Variants in EVC2 observed in about 807,000 individuals in gnomAD.
The protein encoded by EVC2 is limbin.
Under a neutral mutation model 149.3 loss-of-function variants are expected in EVC2, and 148 were observed. That is an observed-to-expected ratio of 0.99 (90% CI 0.87 to 1.14). The LOEUF (loss-of-function observed/expected upper bound fraction) is 1.14, where lower values mean the gene tolerates loss of function less well. EVC2 is among the 50% of genes most tolerant of loss of function. EVC2 has a pLI of 0.00. For synonymous variants in EVC2, 776 were observed against 649.9 expected (o/e 1.19, Z -2.95); for missense variants, 1,854 against 1,627.3 (o/e 1.14, Z -2.40).
At chr4:5,694,961 C>T (rs750897472) in intron 2 of EVC2, among the ~76,000 whole-genome samples, 5 of 152,178 alleles carry the variant, frequency 3.3e-5, no homozygotes, top group Non-Finnish European at 5.9e-5. Context: ...CACCCGCCTA[C>T]TGCAGAGTAA....
rs1016771399 is a variant in EVC2, at chr4:5,618,814, T to C, written c.2502-132A>G. 3 of 832,742 alleles carry C rather than the reference T, an allele frequency of 3.6e-6. No homozygotes were observed. In the African/African-American group the frequency reaches 5.1e-5, roughly 14 times the overall value. The allele number at this position is 832,742 out of a possible 1,614,324, so 51.6% of individuals were successfully genotyped here. On this transcript the variant is annotated intron_variant, in intron 14 of 21. Transcript: ENST00000344408. The surrounding 1 kb of genome is among the most constrained non-coding windows in gnomAD (Gnocchi z 4.4). ...AGAAAAAGCACTGGCTCCTTAATCA[T>C]GCATTCCTGCCACAGGCATTCCTTG... is the stretch of plus-strand genomic sequence containing the variant.
Position 5,677,056 on chromosome 4 carries a change from C to T in EVC2, c.870+4204G>A, listed in dbSNP as rs1424340070. ...TGTCAGCATCACAGAACACTTGGCA[C>T]AGCTGTGCTGTTCTCATGTGTAAAT... On this transcript the variant is annotated intron_variant, in intron 7 of 21. Transcript: ENST00000344408. This position sits in a 1 kb window ranked among gnomAD's most constrained non-coding sequence, Gnocchi z 4.3. 1.3e-5 allele frequency among the ~76,000 whole-genome samples: 2 copies of T among 152,190 alleles called. No individual in the cohort carries two copies. The highest frequency in any genetic ancestry group is 4.8e-5 in the African/African-American group (2 of 41,452).
chr4:5,529,815 GT>G, the EVC2 span, among the ~76,000 whole-genome samples: 17,584 of 132,022 alleles, frequency 0.13, 951 homozygotes, highest in East Asian at 0.26. The surrounding 1 kb of genome is among the most constrained non-coding windows in gnomAD (Gnocchi z 4.5). Context: ...AGTTATTTAG[GT>G]TTTTTTTTTT....
chr4:5,579,605 G>T (rs1486863434), intron 17 of EVC2, among the ~76,000 whole-genome samples: 1 of 152,196 alleles, frequency 6.6e-6, no homozygotes, highest in Non-Finnish European at 1.5e-5. Flanking sequence ...ACTTTGGGAG[G>T]CCAAGGTGGG....
chr4:5,542,191 C>G (rs1002625351), downstream of EVC2, among the ~76,000 whole-genome samples: 1 of 152,194 alleles, frequency 6.6e-6, no homozygotes, highest in Non-Finnish European at 1.5e-5. Flanking sequence ...GTCACTCACA[C>G]CTGTAACCCC....
chr4:5,676,002 A>G (rs1414653432), intron 7 of EVC2, among the ~76,000 whole-genome samples: 1 of 152,238 alleles, frequency 6.6e-6, no homozygotes, highest in African/African-American at 2.4e-5. Flanking sequence ...TTGGGGTACC[A>G]TAACAATTGG....
intron 16 of EVC2, among the ~76,000 whole-genome samples, chr4:5,586,999 T>C (rs936864187): frequency 7.2e-5 from 11 of 152,228 alleles, no homozygotes; most frequent in African/African-American, 2.7e-4. Flanking sequence ...TTACTCCCAT[T>C]TCTTGCTTCC....
chr4:5,681,217 C>T lies in EVC2; in HGVS notation c.870+43G>A, dbSNP rs199619144. On this transcript the variant is annotated intron_variant, in intron 7 of 21. Transcript: ENST00000344408. ...AAGGACAGGCAGGACCCACACAGCA[C>T]AGGTGTGTCCTGAGGGTGCTCAGGG... is the stretch of plus-strand genomic sequence containing the variant. 404 of 1,607,802 alleles carry T rather than the reference C, an allele frequency of 2.5e-4. 1 individual carries two copies. The African/African-American group carries it at 5.0e-3, about 20-fold the overall frequency.
intron 19 of EVC2, among the ~76,000 whole-genome samples, chr4:5,571,586 A>G (rs1722649226): frequency 6.6e-6 from 1 of 152,148 alleles, no homozygotes; most frequent in Non-Finnish European, 1.5e-5. Flanking sequence ...TCCTCTCCAC[A>G]GGATGAAGGA....
intron 4 of EVC2, among the ~76,000 whole-genome samples, chr4:5,690,028 A>C (rs1157360089): frequency 1.3e-5 from 2 of 152,206 alleles, no homozygotes; most frequent in South Asian, 2.1e-4. Context: ...CGAGCTCTGG[A>C]ATATAAGAAG....
Position 5,604,485 on chromosome 4 carries a change from C to T in EVC2, c.2829+10937G>A, listed in dbSNP as rs141334190. Among the ~76,000 whole-genome samples the T allele has an allele frequency of 2.1e-3, 319 of 152,076 alleles. 1 individual carries two copies. The highest frequency in any genetic ancestry group is 0.015 in the East Asian group (79 of 5,156). ...AACATCACATGTTCATACTCATATA[C>T]GTGAGCAAAAAGAACGGATCTCATG... On this transcript the variant is annotated intron_variant, in intron 16 of 21. Transcript: ENST00000344408.
intron 16 of EVC2, among the ~76,000 whole-genome samples, chr4:5,598,600 TA>T (rs1235187148): frequency 4.6e-5 from 7 of 152,174 alleles, no homozygotes; most frequent in Non-Finnish European, 1.0e-4. Flanking sequence ...ACGTTAGACC[TA>T]AAATCATAAA....
the EVC2 span, among the ~76,000 whole-genome samples, chr4:5,531,496 G>A: frequency 1.6e-3 from 239 of 152,290 alleles, 1 homozygote; most frequent in African/African-American, 5.3e-3. Context: ...GTGAGTGAGC[G>A]AAGTTTCATC....
Position 5,615,545 on chromosome 4 carries a change from C to G in EVC2, c.2707-1G>C, listed in dbSNP as rs749251178. 1 of 1,614,164 alleles carries G rather than the reference C, an allele frequency of 6.2e-7. No homozygotes were observed. Among genetic ancestry groups the G allele is most frequent in the Non-Finnish European group, 8.5e-7 (1 of 1,180,024 alleles). ...GTGACTTTCTCACCTTGGACTGTTG[C>G]TGGAGAGGGGTTGGGGAAGACGTGG... is the stretch of plus-strand genomic sequence containing the variant. On this transcript the variant is annotated splice_acceptor_variant, in intron 15 of 21. Coordinates refer to ENST00000344408, the MANE Select transcript of EVC2 (RefSeq NM_147127.5). LOFTEE classifies it high-confidence loss of function.
intron 21 of EVC2, among the ~76,000 whole-genome samples, chr4:5,554,088 C>T (rs935338181): frequency 3.3e-5 from 5 of 152,194 alleles, no homozygotes; most frequent in African/African-American, 1.2e-4. Flanking sequence ...AAACACGCCA[C>T]TTCCAGTTTC....
At chr4:5,685,628 T>G (rs1227659730) in intron 5 of EVC2, 149 bp from the exon 6 acceptor site, 1 of 662,928 alleles carries the variant, frequency 1.5e-6, no homozygotes, top group African/African-American at 1.8e-5. Context: ...AGGAAGCCCT[T>G]TGTATTGCAC....
intron 16 of EVC2, among the ~76,000 whole-genome samples, chr4:5,590,503 C>T (rs562798937): frequency 6.6e-6 from 1 of 151,572 alleles, no homozygotes; most frequent in South Asian, 2.1e-4. Context: ...GAGCGCTAAA[C>T]AGAAACCAGC....
chr4:5,584,978 C>T lies in EVC2; in HGVS notation c.2830-128G>A, dbSNP rs80165535. ...GACCACCAAAAGTTTACAATGGAGA[C>T]GCACTGGGAACCTGCAGGGAGCAAC... On this transcript the variant is annotated intron_variant, in intron 16 of 21. Coordinates refer to ENST00000344408, the MANE Select transcript of EVC2 (RefSeq NM_147127.5). 1,009 of 999,598 alleles carry T rather than the reference C, an allele frequency of 1.0e-3. 10 individuals carry two copies. In the African/African-American group the frequency reaches 0.014, roughly 14 times the overall value. The allele number at this position is 999,598 out of a possible 1,614,324, so 61.9% of individuals were successfully genotyped here. A position where few individuals can be genotyped will look rare whatever the true frequency, so the allele number is the denominator to read the frequency against.
intron 16 of EVC2, among the ~76,000 whole-genome samples, chr4:5,594,085 AG>A (rs1713127629): frequency 6.6e-6 from 1 of 152,164 alleles, no homozygotes; most frequent in South Asian, 2.1e-4. Flanking sequence ...AACTGGGTGG[AG>A]CCCACCACAG....
Sources: allele counts gnomAD v4.1 joint callset (sites outside exome capture counted in the v4.1 genomes callset), GRCh38; gene constraint gnomAD v4.1.1; non-coding constraint Gnocchi (gnomAD v3.1); transcripts MANE v1.5; gene names NCBI Gene and HGNC (gene_info 2026-07-23, HGNC 2026-07-21).